The following WDFY4 variants were observed in gnomAD, a reference collection of about 807,000 sequenced individuals.
The protein encoded by WDFY4 is WDFY family member 4.
WDFY4 carries 169 observed loss-of-function variants against 351.9 expected under a neutral mutation model. The ratio of observed to expected loss-of-function variants is 0.48; its 90% confidence interval spans 0.42 to 0.55. The LOEUF (loss-of-function observed/expected upper bound fraction) is 0.55. WDFY4 is among the 20% of genes least tolerant of loss of function. The pLI, the probability that WDFY4 is intolerant of heterozygous loss-of-function variation, is 0.00. For missense variants in WDFY4, 3,803 were observed against 3,935.6 expected, an observed-to-expected ratio of 0.97 and a Z score of 0.90; for synonymous variants, 1,622 against 1,574.6, an observed-to-expected ratio of 1.03 and a Z score of -0.71.
intron 1 of WDFY4, among the ~76,000 whole-genome samples, chr10:48,698,158 G>A (rs1441880088): frequency 6.6e-6 from 1 of 152,196 alleles, no homozygotes; most frequent in Admixed American, 6.5e-5. Context: ...TTGGCACTGT[G>A]GAGAGTCACT....
chr10:48,946,268 A>G, intron 50 of WDFY4, 111 bp downstream of exon 50: 1 of 844,914 alleles, frequency 1.2e-6, no homozygotes, highest in South Asian at 1.7e-5. Context: ...TTGCATTTGA[A>G]TAGAGGACTC....
At chr10:48,771,091 G>A (rs1420681750) in intron 13 of WDFY4, among the ~76,000 whole-genome samples, 2 of 152,226 alleles carry the variant, frequency 1.3e-5, no homozygotes, top group Non-Finnish European at 2.9e-5. Context: ...GAGCTACAGG[G>A]CCCATGTGTT....
At chr10:48,847,564 A>T (rs2068818567) in intron 39 of WDFY4, among the ~76,000 whole-genome samples, 1 of 152,046 alleles carries the variant, frequency 6.6e-6, no homozygotes, top group African/African-American at 2.4e-5. Flanking sequence ...AGTCTTTAAG[A>T]ACATTACCTG....
chr10:48,736,237 T>C (rs992673998), intron 11 of WDFY4, 167 bp downstream of exon 11: 54 of 729,064 alleles, frequency 7.4e-5, no homozygotes, highest in Non-Finnish European at 1.1e-4. Flanking sequence ...TCCCATATCC[T>C]CAGTAGCCTG....
intron 39 of WDFY4, among the ~76,000 whole-genome samples, chr10:48,843,000 CCCTT>C (rs1459578808): frequency 6.6e-6 from 1 of 152,198 alleles, no homozygotes; most frequent in East Asian, 1.9e-4. Flanking sequence ...GGTCTGAAAA[CCCTT>C]CCAACAAGGA....
At position 48,977,025 on chromosome 10, in the gene WDFY4, T is replaced by C. The variant is rs543012749; in HGVS notation, c.9291+46T>C. ...ATGAGGACATGACACAAGAAACGTG[T>C]TCATCTCCATTCTTCTCACTTCCTC... On this transcript the variant is annotated intron_variant, in intron 59 of 61. Transcript: ENST00000325239. 1.6e-5 allele frequency: 21 copies of C among 1,302,202 alleles called. No homozygotes were observed. In the African/African-American group the frequency reaches 1.8e-4, roughly 11 times the overall value. 80.7% of individuals were successfully genotyped at this position (1,302,202 alleles called of 1,614,324 possible). A position where few individuals can be genotyped will look rare whatever the true frequency, so the allele number is the denominator to read the frequency against.
intron 9 of WDFY4, among the ~76,000 whole-genome samples, chr10:48,733,146 G>A (rs999244450): frequency 2.0e-5 from 3 of 152,146 alleles, no homozygotes; most frequent in African/African-American, 4.8e-5. Context: ...CATTGAATTT[G>A]CTTTTAAATG....
chr10:48,744,025 C>T (rs772721599), intron 12 of WDFY4, among the ~76,000 whole-genome samples: 6 of 152,206 alleles, frequency 3.9e-5, no homozygotes, highest in Non-Finnish European at 7.3e-5. Context: ...TTTCTTGCTG[C>T]TTCTACACCC....
intron 47 of WDFY4, among the ~76,000 whole-genome samples, chr10:48,923,566 C>A (rs1839312984): frequency 6.8e-6 from 1 of 146,442 alleles, no homozygotes; most frequent in South Asian, 2.2e-4. Flanking sequence ...ATCCCATGGG[C>A]CTAAACAATC....
At chr10:48,819,365 A>G (rs1589684606) in intron 32 of WDFY4, among the ~76,000 whole-genome samples, 1 of 152,210 alleles carries the variant, frequency 6.6e-6, no homozygotes, top group South Asian at 2.1e-4. Flanking sequence ...TTTATATGGC[A>G]TCTTTCCAAT....
intron 1 of WDFY4, among the ~76,000 whole-genome samples, chr10:48,696,173 T>A (rs1177118514): frequency 3.9e-5 from 6 of 152,170 alleles, no homozygotes; most frequent in African/African-American, 1.4e-4. Context: ...ACTCAGCCCT[T>A]GGCCCAGGTA....
At position 48,723,461 on chromosome 10, in the gene WDFY4, G is replaced by A. The variant is rs1324186342; in HGVS notation, c.485G>A (p.Gly162Glu). Residue 162 changes from glycine (G) to glutamate (E), a missense_variant, in exon 5 of 62, where the codon GGG (glycine) becomes GAG (glutamate). Around this residue, in one of 3 missense-constraint regions of WDFY4, gnomAD observed 488 missense variants for 456.8 expected, o/e 1.07. Coordinates refer to ENST00000325239, the MANE Select transcript of WDFY4 (RefSeq NM_001394531.1). The part of the protein sequence containing the change: ...SETLGRVAES[G>E]LPALLLQCLY... Reference sequence around the variant, plus strand: ...ACGCTGGGCAGGGTTGCTGAGTCTGGGCTTCCAGCCCTGCTCCTACAGTGC... The same window carrying A: ...ACGCTGGGCAGGGTTGCTGAGTCTGAGCTTCCAGCCCTGCTCCTACAGTGC... 1 of 1,550,340 alleles carries A rather than the reference G, an allele frequency of 6.5e-7. No individual in the cohort carries two copies. The highest frequency in any genetic ancestry group is 2.0e-5 in the Admixed American group (1 of 50,972).
At chr10:48,960,638 C>G (rs1360473368) in intron 53 of WDFY4, among the ~76,000 whole-genome samples, 3 of 152,132 alleles carry the variant, frequency 2.0e-5, no homozygotes, top group African/African-American at 7.2e-5. Flanking sequence ...CAGGTTTATT[C>G]AAACTAGTCA....
chr10:48,964,624 G>C (rs2131810306), intron 54 of WDFY4, among the ~76,000 whole-genome samples: 1 of 152,346 alleles, frequency 6.6e-6, no homozygotes, highest in African/African-American at 2.4e-5. Flanking sequence ...ACCAGTGTGA[G>C]AGCATCTGCC....
chr10:48,800,720 TTCATTCTTTC>T lies in WDFY4; in HGVS notation c.4411-2564_4411-2555del, dbSNP rs1176080406. Among the ~76,000 whole-genome samples the T allele has an allele frequency of 1.8e-3, 229 of 124,796 alleles. 1 individual carries two copies. Among genetic ancestry groups the T allele is most frequent in the African/African-American group, 7.1e-3 (208 of 29,300 alleles). 81.9% of individuals were successfully genotyped at this position (124,796 alleles called of 152,430 possible). A position where few individuals can be genotyped will look rare whatever the true frequency, so the allele number is the denominator to read the frequency against. On this transcript the variant is annotated intron_variant, in intron 24 of 61. Transcript: ENST00000325239. ...TTTCTTTCTTTCTTTCTTTCTTTCTTTCATTCTTTCTTTTTTTTTTTTTTTGTTTTGAGAT... is the reference window on the plus strand; with the variant it reads ...TTTCTTTCTTTCTTTCTTTCTTTCTTTTTTTTTTTTTTTTTGTTTTGAGAT...
intron 39 of WDFY4, among the ~76,000 whole-genome samples, chr10:48,859,277 T>C (rs1369827345): frequency 2.0e-5 from 3 of 152,190 alleles, no homozygotes; most frequent in Non-Finnish European, 2.9e-5. Flanking sequence ...GCAGTGAAAG[T>C]AGACCTCTTT....
At chr10:48,875,189 T>G in intron 42 of WDFY4, 49 bp downstream of exon 42, 1 of 1,060,760 alleles carries the variant, frequency 9.4e-7, no homozygotes, top group Non-Finnish European at 1.3e-6. Flanking sequence ...TAATTATTGG[T>G]TTTATTTAAT....
At chr10:48,849,197 A>G (rs377267059) in intron 39 of WDFY4, among the ~76,000 whole-genome samples, 3 of 152,260 alleles carry the variant, frequency 2.0e-5, no homozygotes, top group Admixed American at 1.3e-4. Flanking sequence ...TAAAAAAATA[A>G]TAAAGAAGAC....
At chr10:48,806,451 C>G (rs1405820162) in intron 27 of WDFY4, among the ~76,000 whole-genome samples, 1 of 152,178 alleles carries the variant, frequency 6.6e-6, no homozygotes, top group Non-Finnish European at 1.5e-5. Context: ...CACTTGCAGG[C>G]CCCTGCAGGT....
Sources: gnomAD v4.1 joint callset for allele counts (sites outside exome capture counted in the v4.1 genomes callset) on GRCh38, gnomAD v4.1.1 for gene constraint, gnomAD v4.1.1 regional missense constraint, MANE v1.5 for transcripts, NCBI Gene and HGNC (gene_info 2026-07-23, HGNC 2026-07-21) for gene names.